The following CASZ1 variants were observed in gnomAD, a reference collection of about 807,000 sequenced individuals.
The protein encoded by CASZ1 is zinc finger protein castor homolog 1.
CASZ1 carries 28 observed loss-of-function variants against 135.2 expected under a neutral mutation model. The observed-to-expected ratio is 0.21, with a 90% CI of 0.15 to 0.28. CASZ1 has a LOEUF of 0.28. CASZ1 is among the 10% of genes least tolerant of loss of function. CASZ1 has a pLI of 1.00. For synonymous variants in CASZ1, 1,068 were observed against 1,073.4 expected (o/e 0.99, Z 0.10); for missense variants, 2,161 against 2,453.3 (o/e 0.88, Z 2.52).
chr1:10,734,200 T>C (rs1394999937), intron 2 of CASZ1, among the ~76,000 whole-genome samples: 1 of 149,520 alleles, frequency 6.7e-6, no homozygotes, highest in Non-Finnish European at 1.5e-5. Context: ...TGTGGAGTAC[T>C]GAGCACCACT....
At chr1:10,686,378 C>T (rs1638587730) in intron 4 of CASZ1, among the ~76,000 whole-genome samples, 1 of 152,254 alleles carries the variant, frequency 6.6e-6, no homozygotes, top group African/African-American at 2.4e-5. Flanking sequence ...GGCCTGGAAA[C>T]AGGTCACACA....
intron 4 of CASZ1, among the ~76,000 whole-genome samples, chr1:10,684,701 A>G (rs1217230165): frequency 2.6e-5 from 4 of 152,234 alleles, no homozygotes; most frequent in African/African-American, 7.2e-5. Context: ...CTGACCACAC[A>G]GTCTAAGAGC....
chr1:10,761,744 C>T (rs556100063), intron 1 of CASZ1, among the ~76,000 whole-genome samples: 3 of 152,176 alleles, frequency 2.0e-5, no homozygotes, highest in African/African-American at 4.8e-5. Context: ...GGAGCTCATG[C>T]GCGTGCAAAC....
At chr1:10,671,289 C>T (rs1643389279) in intron 4 of CASZ1, among the ~76,000 whole-genome samples, 1 of 152,230 alleles carries the variant, frequency 6.6e-6, no homozygotes, top group Non-Finnish European at 1.5e-5. Context: ...AACACACACA[C>T]TGAGCAAACG....
chr1:10,664,125 G>A (rs928611313), intron 5 of CASZ1, among the ~76,000 whole-genome samples: 1 of 152,242 alleles, frequency 6.6e-6, no homozygotes. Flanking sequence ...TAATTAAACA[G>A]CTCTGTTTAT....
intron 2 of CASZ1, among the ~76,000 whole-genome samples, chr1:10,738,287 G>A (rs1167295515): frequency 6.6e-6 from 1 of 152,178 alleles, no homozygotes; most frequent in Admixed American, 6.5e-5. Flanking sequence ...GGCGGGAATG[G>A]GGAGCCCAGA....
At position 10,676,598 on chromosome 1, in the gene CASZ1, G is replaced by A. The variant is rs781630288; in HGVS notation, c.17-11027C>T. On this transcript the variant is annotated intron_variant, in intron 4 of 20. Transcript: ENST00000377022. This position sits in a 1 kb window ranked among gnomAD's most constrained non-coding sequence, Gnocchi z 4.5. ...TCTCTGTGCCTCGGTGGACCAACCT[G>A]CCTAGGGGTGCCCTGGGATCCTATT... 2.0e-5 allele frequency among the ~76,000 whole-genome samples: 3 copies of A among 152,170 alleles called. No individual in the cohort carries two copies. The highest frequency in any genetic ancestry group is 3.4e-3 in the Middle Eastern group (1 of 294).
At chr1:10,658,057 T>A (rs945297612) in intron 7 of CASZ1, 2 of 159,830 alleles carry the variant, frequency 1.3e-5, no homozygotes, top group African/African-American at 4.8e-5. Flanking sequence ...GATCTCAAAC[T>A]CCTGGCCTCA....
chr1:10,668,704 G>A (rs903598884), intron 4 of CASZ1, among the ~76,000 whole-genome samples: 5 of 152,362 alleles, frequency 3.3e-5, no homozygotes, highest in East Asian at 1.9e-4. Flanking sequence ...AGCTCACGGC[G>A]GAGCTCTGCC....
At chr1:10,713,821 G>A (rs764835668) in intron 2 of CASZ1, among the ~76,000 whole-genome samples, 6 of 152,232 alleles carry the variant, frequency 3.9e-5, no homozygotes, top group Non-Finnish European at 8.8e-5. Context: ...ATTGCTGGCC[G>A]CCCCTGTGCC....
chr1:10,644,433 CT>C (rs1271072827), intron 18 of CASZ1, among the ~76,000 whole-genome samples: 1 of 152,198 alleles, frequency 6.6e-6, no homozygotes, highest in Non-Finnish European at 1.5e-5. Context: ...ACCCCCACCC[CT>C]GTGACAGCAC....
Position 10,638,955 on chromosome 1 carries a change from G to A in CASZ1, c.5267C>T (p.Ala1756Val). 4.1e-6 allele frequency: 4 copies of A among 980,848 alleles called. No individual in the cohort carries two copies. The highest frequency in any genetic ancestry group is 4.8e-6 in the Non-Finnish European group (4 of 828,352). The allele number at this position is 980,848 out of a possible 1,614,324, so 60.8% of individuals were successfully genotyped here. A position where few individuals can be genotyped will look rare whatever the true frequency, so the allele number is the denominator to read the frequency against. ...CCGCGGGCGCCGCTAGGGCGAGGAG[G>A]CTGCAGTGGGCGCGGGGCCGGGGGC... ...LGAPGPAPTA[A>V]SSP Residue 1756 changes from alanine to valine, a missense_variant, in exon 21 of 21, where the codon GCC (alanine) becomes GTC (valine). Physicochemically the swap from Ala to Val is moderately conservative, Grantham distance 64. Coordinates refer to ENST00000377022, the MANE Select transcript of CASZ1 (RefSeq NM_001079843.3). The surrounding 1 kb of genome is among the most constrained non-coding windows in gnomAD (Gnocchi z 5.9).
In CASZ1 at chr1:10,711,583, C is replaced by T. The variant is rs1188958166; in HGVS notation, c.-76-6039G>A. Among the ~76,000 whole-genome samples the T allele has an allele frequency of 7.5e-6, 1 of 132,846 alleles. No individual in the cohort carries two copies. Among genetic ancestry groups the T allele is most frequent in the African/African-American group, 3.2e-5 (1 of 31,316 alleles). 87.2% of individuals were successfully genotyped at this position (132,846 alleles called of 152,430 possible). A position where few individuals can be genotyped will look rare whatever the true frequency, so the allele number is the denominator to read the frequency against. On this transcript the variant is annotated intron_variant, in intron 2 of 20. Coordinates refer to ENST00000377022, the MANE Select transcript of CASZ1 (RefSeq NM_001079843.3). This position sits in a 1 kb window ranked among gnomAD's most constrained non-coding sequence, Gnocchi z 4.4. ...TACCAGAAAAAATGGAAAACAGGTA[C>T]TCAAAAAAAAAAAAAAAAGAAAAAC...
chr1:10,779,864 G>A (rs954607734), intron 1 of CASZ1, among the ~76,000 whole-genome samples: 3 of 152,328 alleles, frequency 2.0e-5, no homozygotes, highest in South Asian at 2.1e-4. Flanking sequence ...GAACTCTCTC[G>A]GAATTGAATC....
chr1:10,792,173 A>C (rs1640967537), intron 1 of CASZ1, among the ~76,000 whole-genome samples: 1 of 150,892 alleles, frequency 6.6e-6, no homozygotes, highest in Non-Finnish European at 1.5e-5. Context: ...AAAAAAAAAA[A>C]ACTCAAGTAT....
At chr1:10,656,870 G>A in intron 7 of CASZ1, 134 bp from the exon 8 acceptor site, 2 of 641,298 alleles carry the variant, frequency 3.1e-6, no homozygotes, top group South Asian at 3.5e-5. Flanking sequence ...CAGAGGCCCA[G>A]GCAAGTGACT....
At position 10,725,624 on chromosome 1, in the gene CASZ1, G is replaced by T. The variant is rs1412241613; in HGVS notation, c.-76-20080C>A. Among the ~76,000 whole-genome samples, 1 of 152,144 alleles carries T rather than the reference G, an allele frequency of 6.6e-6. No homozygotes were observed. Among genetic ancestry groups the T allele is most frequent in the Non-Finnish European group, 1.5e-5 (1 of 68,030 alleles). On this transcript the variant is annotated intron_variant, in intron 2 of 20. Coordinates refer to ENST00000377022, the MANE Select transcript of CASZ1 (RefSeq NM_001079843.3). The surrounding 1 kb of genome is among the most constrained non-coding windows in gnomAD (Gnocchi z 4.4). ...TTTGATATTAACCTTTGAAACTGGA[G>T]TTCATTCAGCTACCATGTTACAATC...
intron 1 of CASZ1, among the ~76,000 whole-genome samples, chr1:10,766,886 G>T (rs1462574406): frequency 6.6e-6 from 1 of 152,050 alleles, no homozygotes; most frequent in Non-Finnish European, 1.5e-5. Flanking sequence ...CCCAGCCAAG[G>T]TCACACACTG....
Position 10,665,512 on chromosome 1 carries a change from T to G in CASZ1, c.76A>C (p.Lys26Gln). 1 of 1,601,842 alleles carries G rather than the reference T, an allele frequency of 6.2e-7. No homozygotes were observed. The highest frequency in any genetic ancestry group is 8.5e-7 in the Non-Finnish European group (1 of 1,178,412). Residue 26 changes from lysine (K) to glutamine (Q), a missense_variant, in exon 5 of 21, where the codon AAG becomes CAG. Lys to Gln is a moderately conservative substitution (Grantham distance 53). Around this residue, in one of 7 missense-constraint regions of CASZ1, gnomAD observed 590 missense variants for 609.8 expected, o/e 0.97. Transcript: ENST00000377022. ...ATGGCGTTCAGCTTCAGGCCACCCT[T>G]GCGTTTGGGCGCCATGGCGGGCTTG... is the stretch of plus-strand genomic sequence containing the variant. ...AGKPAMAPKR[K>Q]GGLKLNAICA...
Sources: allele counts gnomAD v4.1 joint callset (sites outside exome capture counted in the v4.1 genomes callset), GRCh38; gene constraint gnomAD v4.1.1; regional missense constraint gnomAD v4.1.1; non-coding constraint Gnocchi (gnomAD v3.1); transcripts MANE v1.5; gene names NCBI Gene and HGNC (gene_info 2026-07-23, HGNC 2026-07-21).